The following SLC12A2 variants were observed in gnomAD, a reference collection of about 807,000 sequenced individuals.
The protein encoded by SLC12A2 is solute carrier family 12 member 2.
SLC12A2 carries 67 observed loss-of-function variants against 136.3 expected under a neutral mutation model. That is an observed-to-expected ratio of 0.49 (90% CI 0.40 to 0.60). SLC12A2 has a LOEUF of 0.60. Ranked by LOEUF, SLC12A2 falls within the 20% of genes least tolerant of loss-of-function variation. SLC12A2 has a pLI of 0.00. For synonymous variants in SLC12A2, 619 were observed against 562.9 expected (o/e 1.10, Z -1.41); for missense variants, 1,322 against 1,534.7 (o/e 0.86, Z 2.32).
At chr5:128,176,765 T>C (rs1581138638) in intron 20 of SLC12A2, among the ~76,000 whole-genome samples, 1 of 152,060 alleles carries the variant, frequency 6.6e-6, no homozygotes, top group East Asian at 1.9e-4. Context: ...ATGTTTAATG[T>C]CATATTTATA....
chr5:128,164,847 GTT>G (rs35076550), intron 17 of SLC12A2, among the ~76,000 whole-genome samples: 19 of 123,518 alleles, frequency 1.5e-4, no homozygotes, highest in Admixed American at 2.4e-4. Flanking sequence ...AAACTGTTTT[GTT>G]TTTTTTTTTT....
At chr5:128,105,494 C>T (rs911418433) in intron 1 of SLC12A2, among the ~76,000 whole-genome samples, 6 of 152,154 alleles carry the variant, frequency 3.9e-5, no homozygotes, top group South Asian at 2.1e-4. Flanking sequence ...TTAGATTTAG[C>T]AGCCAAGAAG....
intron 1 of SLC12A2, among the ~76,000 whole-genome samples, chr5:128,086,892 T>G (rs1451643837): frequency 6.6e-6 from 1 of 152,204 alleles, no homozygotes; most frequent in Non-Finnish European, 1.5e-5. Flanking sequence ...TCTGTAATGT[T>G]TCTAGCCTTC....
At chr5:128,158,638 G>T in intron 16 of SLC12A2, among the ~76,000 whole-genome samples, 1 of 152,056 alleles carries the variant, frequency 6.6e-6, no homozygotes, top group Non-Finnish European at 1.5e-5. Flanking sequence ...TGTCTTTGAT[G>T]TTGTGAATAG....
Position 128,131,115 on chromosome 5 carries a change from G to T in SLC12A2, c.1097G>T (p.Gly366Val). ...AGAAGTCTAGGGCCAGAATTTGGTG[G>T]TGCAATTGGTCTAATCTTCGCCTTT... ...ISRSLGPEFG[G>V]AIGLIFAFAN... Residue 366 changes from glycine (G) to valine (V), a missense_variant, in exon 5 of 27, where the codon GGT (glycine) becomes GTT (valine). Physicochemically the swap from Gly to Val is moderately radical, Grantham distance 109. Coordinates refer to ENST00000262461, the MANE Select transcript of SLC12A2 (RefSeq NM_001046.3). The T allele has an allele frequency of 6.2e-7, 1 of 1,613,910 alleles. No individual in the cohort carries two copies. The highest frequency in any genetic ancestry group is 1.7e-5 in the Admixed American group (1 of 60,026).
At chr5:128,103,627 C>T (rs1050808389) in intron 1 of SLC12A2, among the ~76,000 whole-genome samples, 1 of 151,744 alleles carries the variant, frequency 6.6e-6, no homozygotes, top group African/African-American at 2.4e-5. Context: ...AAGAAATAAA[C>T]GGGACTAAGA....
At chr5:128,168,271 A>C (rs1763266607) in intron 18 of SLC12A2, 1 of 153,506 alleles carries the variant, frequency 6.5e-6, no homozygotes, top group Non-Finnish European at 1.4e-5. Flanking sequence ...ATCGCTGTTT[A>C]GGCTTGTTCC....
intron 9 of SLC12A2, among the ~76,000 whole-genome samples, chr5:128,139,263 T>C (rs1041630554): frequency 2.0e-5 from 3 of 151,648 alleles, no homozygotes; most frequent in Admixed American, 6.6e-5. Context: ...TTTTTTAAGA[T>C]GGTTATTTAT....
Position 128,151,297 on chromosome 5 carries a change from C to G in SLC12A2, c.2164C>G (p.Leu722Val). The change falls in exon 14 of 27, where the codon CTT becomes GTT. Residue 722 changes from leucine to valine, a missense_variant. This residue lies in a region of SLC12A2 where 294 missense variants were observed against 436.6 expected (regional missense o/e 0.67). Transcript: ENST00000262461. ...GTGGATATCACTTCTTGGAGCAATT[C>G]TTTGTTGCATAGTAATGTTCGTCAT... ...NMWISLLGAI[L>V]CCIVMFVINW... 6.2e-7 allele frequency: 1 copy of G among 1,612,316 alleles called. No individual in the cohort carries two copies. The highest frequency in any genetic ancestry group is 8.5e-7 in the Non-Finnish European group (1 of 1,179,146).
In SLC12A2 at chr5:128,102,586, C is replaced by G. The variant is rs879111047; in HGVS notation, c.757-10228C>G. On this transcript the variant is annotated intron_variant, in intron 1 of 26. Coordinates refer to ENST00000262461, the MANE Select transcript of SLC12A2 (RefSeq NM_001046.3). Reference sequence around the variant, plus strand: ...TACTGTGTCTTTCTGTAATTCACCCCCCCCCCCGCCTTTTTTTTTTTTTTT... The same window carrying G: ...TACTGTGTCTTTCTGTAATTCACCCGCCCCCCCGCCTTTTTTTTTTTTTTT... Among the ~76,000 whole-genome samples the G allele has an allele frequency of 1.2e-3, 161 of 128,944 alleles. 7 individuals carry two copies. The highest frequency in any genetic ancestry group is 4.6e-3 in the African/African-American group (156 of 34,242). The allele number at this position is 128,944 out of a possible 152,430, so 84.6% of individuals were successfully genotyped here.
chr5:128,122,882 A>G (rs753250139), intron 4 of SLC12A2, among the ~76,000 whole-genome samples: 25 of 152,100 alleles, frequency 1.6e-4, no homozygotes, highest in Non-Finnish European at 2.6e-4. Context: ...CTTTGAAATT[A>G]TAACTTTTCA....
intron 12 of SLC12A2, among the ~76,000 whole-genome samples, chr5:128,149,235 G>T (rs1193420795): frequency 1.3e-5 from 2 of 151,770 alleles, no homozygotes; most frequent in African/African-American, 4.8e-5. Flanking sequence ...CACTACTAAA[G>T]ATGACATTGG....
intron 1 of SLC12A2, among the ~76,000 whole-genome samples, chr5:128,098,190 G>GT (rs760398412): frequency 6.6e-6 from 1 of 151,970 alleles, no homozygotes; most frequent in African/African-American, 2.4e-5. Flanking sequence ...GTACGTTGAT[G>GT]TTTTTCACTC....
At chr5:128,163,696 T>A in intron 17 of SLC12A2, among the ~76,000 whole-genome samples, 1 of 152,138 alleles carries the variant, frequency 6.6e-6, no homozygotes, top group Non-Finnish European at 1.5e-5. Context: ...TCAGAAACAG[T>A]GCTTAGGAAA....
intron 1 of SLC12A2, among the ~76,000 whole-genome samples, chr5:128,101,922 G>A (rs999219588): frequency 1.3e-5 from 2 of 152,110 alleles, no homozygotes; most frequent in African/African-American, 4.8e-5. Context: ...TTTCATATTT[G>A]TATGCAAAAG....
intron 4 of SLC12A2, among the ~76,000 whole-genome samples, chr5:128,119,205 G>C (rs1211299894): frequency 6.6e-6 from 1 of 152,166 alleles, no homozygotes; most frequent in Non-Finnish European, 1.5e-5. Flanking sequence ...GTCTTAAAAG[G>C]AAATGGAAAA....
chr5:128,179,176 G>T lies in SLC12A2; in HGVS notation c.3100+487G>T, dbSNP rs371686713. ...ACCCCACCCCCTTTTATAATTACAGGTATTGGGGATGGCACAGAGGGATTA... is the reference window on the plus strand; with the variant it reads ...ACCCCACCCCCTTTTATAATTACAGTTATTGGGGATGGCACAGAGGGATTA... On this transcript the variant is annotated intron_variant, in intron 22 of 26. Coordinates refer to ENST00000262461, the MANE Select transcript of SLC12A2 (RefSeq NM_001046.3). Among the ~76,000 whole-genome samples, 4 of 152,116 alleles carry T rather than the reference G, an allele frequency of 2.6e-5. No homozygotes were observed. The South Asian group carries it at 8.3e-4, about 32-fold the overall frequency.
intron 10 of SLC12A2, among the ~76,000 whole-genome samples, chr5:128,144,988 A>G (rs1762484186): frequency 6.6e-6 from 1 of 152,082 alleles, no homozygotes; most frequent in Admixed American, 6.6e-5. Context: ...TGTTGACACT[A>G]ATATCATTAT....
Position 128,084,320 on chromosome 5 carries a change from C to T in SLC12A2, c.366C>T (p.Ala122=), listed in dbSNP as rs1759974377. 1 of 1,549,852 alleles carries T rather than the reference C, an allele frequency of 6.5e-7. No individual in the cohort carries two copies. The highest frequency in any genetic ancestry group is 1.2e-5 in the South Asian group (1 of 83,686). The change falls in exon 1 of 27, where the codon GCC becomes GCT. Residue 122 remains alanine (A), a synonymous_variant. Coordinates refer to ENST00000262461, the MANE Select transcript of SLC12A2 (RefSeq NM_001046.3). This position sits in a 1 kb window ranked among gnomAD's most constrained non-coding sequence, Gnocchi z 5.6. ...AGCAGACCCCCGCGGACGGGGAAGC[C>T]AGCGGCGAGAGCGAGCCGGCTAAAG... ...GAKQTPADGE[A]SGESEPAKGS...
Sources: gnomAD v4.1 joint callset for allele counts (sites outside exome capture counted in the v4.1 genomes callset) on GRCh38, gnomAD v4.1.1 for gene constraint, gnomAD v4.1.1 regional missense constraint, Gnocchi (gnomAD v3.1) non-coding constraint, MANE v1.5 for transcripts, NCBI Gene and HGNC (gene_info 2026-07-23, HGNC 2026-07-21) for gene names.